AMPH: variants seen among roughly 807,000 people sequenced by gnomAD.
AMPH encodes amphiphysin (Stiff-Mann syndrome with breast cancer 128kD autoantigen).
A neutral mutation model predicts 99.1 loss-of-function variants in AMPH; 49 were observed. The ratio of observed to expected loss-of-function variants is 0.49; its 90% CI spans 0.39 to 0.63. The LOEUF is 0.63. AMPH is among the 20% of genes least tolerant of loss of function. AMPH has a pLI of 0.00. For missense variants in AMPH, 759 were observed against 863.4 expected, an observed-to-expected ratio of 0.88 and a Z score of 1.52; for synonymous variants, 314 against 317.3, an observed-to-expected ratio of 0.99 and a Z score of 0.11.
chr7:38,439,614 T>A (rs761081934), intron 11 of AMPH, among the ~76,000 whole-genome samples: 5 of 152,166 alleles, frequency 3.3e-5, no homozygotes, highest in Admixed American at 3.3e-4. Context: ...AGAGTACACA[T>A]GGTATGGTCT....
chr7:38,450,762 C>T (rs6944278), intron 11 of AMPH, among the ~76,000 whole-genome samples: 3,551 of 152,226 alleles, frequency 0.023, 150 homozygotes, highest in African/African-American at 0.082. Context: ...TTTCAAGTGA[C>T]TCCAACTTTT....
intron 2 of AMPH, among the ~76,000 whole-genome samples, chr7:38,534,706 C>T (rs1438223320): frequency 6.6e-6 from 1 of 152,118 alleles, no homozygotes; most frequent in Non-Finnish European, 1.5e-5. Flanking sequence ...AAAGCTAAAG[C>T]AGTCCAGGAC....
Position 38,410,972 on chromosome 7 carries a change from C to T in AMPH, c.1398+6853G>A, listed in dbSNP as rs540325424. 2.0e-4 allele frequency among the ~76,000 whole-genome samples: 30 copies of T among 152,276 alleles called. 1 individual carries two copies. In the South Asian group the frequency reaches 5.8e-3, roughly 29 times the overall value. On this transcript the variant is annotated intron_variant, in intron 17 of 20. Transcript: ENST00000356264. ...CTTGGACCCTAAGTTGTGACCCTAA[C>T]GGCTTTAGTTAGATGTGATATGAGA...
At chr7:38,578,138 T>C (rs941828919) in intron 1 of AMPH, among the ~76,000 whole-genome samples, 16 of 152,244 alleles carry the variant, frequency 1.1e-4, no homozygotes, top group African/African-American at 2.9e-4. Context: ...GAGAAAATCA[T>C]ACCCACCACT....
intron 1 of AMPH, among the ~76,000 whole-genome samples, chr7:38,585,730 T>A (rs1792622173): frequency 6.6e-6 from 1 of 152,258 alleles, no homozygotes; most frequent in Non-Finnish European, 1.5e-5. Flanking sequence ...AATAGGCTAT[T>A]TAAATGCAGC....
intron 2 of AMPH, among the ~76,000 whole-genome samples, chr7:38,525,936 T>C (rs1790169915): frequency 6.6e-6 from 1 of 152,198 alleles, no homozygotes; most frequent in Non-Finnish European, 1.5e-5. Context: ...TGTGAGAACA[T>C]ACATTTTCAT....
intron 1 of AMPH, among the ~76,000 whole-genome samples, chr7:38,610,312 A>G (rs7786352): frequency 8.3e-5 from 3 of 35,998 alleles, no homozygotes; most frequent in Admixed American, 6.2e-4. Flanking sequence ...AAAAGAAAAG[A>G]AAAGAAAAGA....
chr7:38,593,059 G>T (rs550690918), intron 1 of AMPH, among the ~76,000 whole-genome samples: 18 of 152,176 alleles, frequency 1.2e-4, no homozygotes, highest in Non-Finnish European at 2.4e-4. Flanking sequence ...TATTCAAGTA[G>T]TAAAACAATG....
chr7:38,458,262 A>C (rs890014676), intron 11 of AMPH, among the ~76,000 whole-genome samples: 2 of 152,100 alleles, frequency 1.3e-5, no homozygotes, highest in African/African-American at 4.8e-5. Context: ...AGAAGCCTAG[A>C]ATTAGTTGAA....
chr7:38,593,952 T>C (rs1361546930), intron 1 of AMPH, among the ~76,000 whole-genome samples: 1 of 152,092 alleles, frequency 6.6e-6, no homozygotes, highest in Non-Finnish European at 1.5e-5. Flanking sequence ...TGAGGGCCTG[T>C]AGGACATGGC....
At chr7:38,561,740 A>T (rs1791557002) in intron 1 of AMPH, among the ~76,000 whole-genome samples, 1 of 152,210 alleles carries the variant, frequency 6.6e-6, no homozygotes, top group African/African-American at 2.4e-5. Context: ...AAATAGGTTT[A>T]GATGAGGTCC....
chr7:38,399,240 T>C (rs189822572), intron 17 of AMPH, among the ~76,000 whole-genome samples: 73 of 152,344 alleles, frequency 4.8e-4, no homozygotes, highest in African/African-American at 1.7e-3. Flanking sequence ...ACTTACCACG[T>C]TGATTTTACA....
chr7:38,605,936 C>T (rs1293703973), intron 1 of AMPH, among the ~76,000 whole-genome samples: 1 of 152,132 alleles, frequency 6.6e-6, no homozygotes, highest in African/African-American at 2.4e-5. Context: ...CCCCTCAGTG[C>T]GAGTCTATGG....
At chr7:38,444,022 A>G (rs1397718347) in intron 11 of AMPH, among the ~76,000 whole-genome samples, 1 of 152,180 alleles carries the variant, frequency 6.6e-6, no homozygotes, top group Non-Finnish European at 1.5e-5. Flanking sequence ...TACAAAAACC[A>G]GTTGTACTTA....
At chr7:38,408,708 G>A (rs560206583) in intron 17 of AMPH, among the ~76,000 whole-genome samples, 255 of 145,366 alleles carry the variant, frequency 1.8e-3, no homozygotes, top group African/African-American at 6.1e-3. Flanking sequence ...CCAAGATTGC[G>A]CCACTGCACT....
chr7:38,466,831 G>A (rs2129010711), intron 7 of AMPH, among the ~76,000 whole-genome samples: 1 of 152,196 alleles, frequency 6.6e-6, no homozygotes, highest in African/African-American at 2.4e-5. Context: ...ATAAGAGCGT[G>A]TCATCACTGA....
At chr7:38,389,930 A>T (rs879118313) in intron 19 of AMPH, 25 bp from the exon 20 acceptor site, 9 of 1,557,218 alleles carry the variant, frequency 5.8e-6, no homozygotes, top group Middle Eastern at 1.7e-4. Flanking sequence ...AATACATAAA[A>T]ATCAATTTCC....
At chr7:38,437,374 A>G (rs1000894387) in intron 11 of AMPH, among the ~76,000 whole-genome samples, 28 of 152,220 alleles carry the variant, frequency 1.8e-4, no homozygotes, top group African/African-American at 6.3e-4. Context: ...AGAAATTGAA[A>G]CGTCAAACCA....
rs1785613946 is a variant in AMPH, at chr7:38,422,473, T to C, written c.1220A>G (p.Gln407Arg). 3 of 1,612,922 alleles carry C rather than the reference T, an allele frequency of 1.9e-6. No individual in the cohort carries two copies. Among genetic ancestry groups the C allele is most frequent in the Non-Finnish European group, 2.5e-6 (3 of 1,179,166 alleles). The change falls in exon 16 of 21, where the codon CAG becomes CGG. Residue 407 changes from glutamine to arginine, a missense_variant. Transcript: ENST00000356264. ...CTGCATTGTGAATAATGAAGTATCCTGGGGCTGAAAATCAAGGATAAAAAT... is the reference window on the plus strand; with the variant it reads ...CTGCATTGTGAATAATGAAGTATCCCGGGGCTGAAAATCAAGGATAAAAAT... ...GGSFNGFTQP[Q>R]DTSLFTMQTD... is the part of the protein sequence containing the mutation.
Sources: gnomAD v4.1 joint callset for allele counts (sites outside exome capture counted in the v4.1 genomes callset) on GRCh38, gnomAD v4.1.1 for gene constraint, MANE v1.5 for transcripts, NCBI Gene and HGNC (gene_info 2026-07-23, HGNC 2026-07-21) for gene names.